Variants in FHIT observed in about 807,000 individuals in gnomAD.
FHIT encodes bis(5'-adenosyl)-triphosphatase.
Under a neutral mutation model 17.9 loss-of-function variants are expected in FHIT, and 19 were observed. The ratio of observed to expected loss-of-function variants is 1.06; its 90% CI spans 0.74 to 1.56. FHIT has a LOEUF of 1.56. FHIT is among the 40% of genes most tolerant of loss of function. FHIT has a pLI of 0.00. For missense variants in FHIT, 248 were observed against 189.2 expected (o/e 1.31, Z -1.82); for synonymous variants, 81 against 69.7 (o/e 1.16, Z -0.81).
chr3:59,781,167 G>C (rs936727456), intron 8 of FHIT, among the ~76,000 whole-genome samples: 2 of 152,166 alleles, frequency 1.3e-5, no homozygotes, highest in Admixed American at 6.5e-5. Flanking sequence ...AGCAAGGCCT[G>C]ACCTAGAATG....
At chr3:60,034,123 A>C (rs1701112635) in intron 5 of FHIT, among the ~76,000 whole-genome samples, 1 of 152,230 alleles carries the variant, frequency 6.6e-6, no homozygotes, top group African/African-American at 2.4e-5. Context: ...ACAATTTCAT[A>C]AGGTAGGTAC....
intron 3 of FHIT, among the ~76,000 whole-genome samples, chr3:60,965,886 A>G (rs189578462): frequency 6.6e-6 from 1 of 152,206 alleles, no homozygotes; most frequent in Non-Finnish European, 1.5e-5. Flanking sequence ...CTTGGGTCTC[A>G]GGGACCCACT....
intron 5 of FHIT, among the ~76,000 whole-genome samples, chr3:60,436,275 C>T (rs758865235): frequency 3.3e-5 from 5 of 152,050 alleles, no homozygotes; most frequent in African/African-American, 4.8e-5. Context: ...GTCTCAGACT[C>T]CTGACCTCAA....
chr3:60,523,158 T>A (rs1270566335), intron 5 of FHIT, among the ~76,000 whole-genome samples: 1 of 152,164 alleles, frequency 6.6e-6, no homozygotes, highest in Non-Finnish European at 1.5e-5. Context: ...CCATAACACG[T>A]GGGAATTATG....
intron 4 of FHIT, among the ~76,000 whole-genome samples, chr3:60,754,492 G>A (rs879991994): frequency 2.0e-5 from 3 of 152,138 alleles, no homozygotes; most frequent in African/African-American, 4.8e-5. Context: ...TTAGCCGGGC[G>A]TGGTGGCACA....
At chr3:61,236,142 A>C (rs1292902401) in intron 1 of FHIT, among the ~76,000 whole-genome samples, 1 of 148,960 alleles carries the variant, frequency 6.7e-6, no homozygotes, top group Non-Finnish European at 1.5e-5. Context: ...ACAATATACT[A>C]TATTTACTAT....
At chr3:59,817,493 C>T (rs1246840291) in intron 8 of FHIT, among the ~76,000 whole-genome samples, 2 of 136,928 alleles carry the variant, frequency 1.5e-5, no homozygotes, top group Non-Finnish European at 3.1e-5. Flanking sequence ...GCCGGGAGGT[C>T]GGGGCTGCAT....
intron 5 of FHIT, among the ~76,000 whole-genome samples, chr3:60,382,277 T>A (rs1196865264): frequency 6.6e-6 from 1 of 152,212 alleles, no homozygotes; most frequent in Non-Finnish European, 1.5e-5. Flanking sequence ...ACATGGCTCA[T>A]AAGAACTTGC....
At chr3:61,213,798 C>T (rs906900271) in intron 1 of FHIT, among the ~76,000 whole-genome samples, 1 of 152,076 alleles carries the variant, frequency 6.6e-6, no homozygotes, top group Non-Finnish European at 1.5e-5. Flanking sequence ...GAAATTATAA[C>T]AAATTGTCTC....
At position 61,151,579 on chromosome 3, in the gene FHIT, T is replaced by TCTTTTC. The variant is rs1461981011; in HGVS notation, c.-164+49037_-164+49038insGAAAAG. Among the ~76,000 whole-genome samples, 23 of 134,972 alleles carry TCTTTTC rather than the reference T, an allele frequency of 1.7e-4. No individual in the cohort carries two copies. The East Asian group carries it at 2.7e-3, about 16-fold the overall frequency. The allele number at this position is 134,972 out of a possible 152,430, so 88.5% of individuals were successfully genotyped here. On this transcript the variant is annotated intron_variant, in intron 2 of 9. Coordinates refer to ENST00000492590, the MANE Select transcript of FHIT (RefSeq NM_002012.4). ...CTTGTGATATTCTTTTCTTTTCTTT[T>TCTTTTC]TTTTTTTTTTTTGAGATGGAGTCTC...
chr3:60,635,085 G>A (rs891243867), intron 4 of FHIT, among the ~76,000 whole-genome samples: 5 of 135,572 alleles, frequency 3.7e-5, no homozygotes, highest in African/African-American at 1.3e-4. Context: ...CCTAAGAGCA[G>A]GATAATTTTG....
At chr3:60,970,996 T>G (rs1709978716) in intron 3 of FHIT, among the ~76,000 whole-genome samples, 1 of 152,218 alleles carries the variant, frequency 6.6e-6, no homozygotes, top group African/African-American at 2.4e-5. Context: ...CTTATGACTA[T>G]TTCTGTATGT....
chr3:60,695,675 T>TTGC (rs1220475103), intron 4 of FHIT, among the ~76,000 whole-genome samples: 1 of 152,130 alleles, frequency 6.6e-6, no homozygotes, highest in East Asian at 1.9e-4. Flanking sequence ...TTCAACATAA[T>TTGC]TGCTGCTGCT....
chr3:60,193,378 T>A (rs530222669), intron 5 of FHIT, among the ~76,000 whole-genome samples: 46 of 152,174 alleles, frequency 3.0e-4, no homozygotes, highest in Non-Finnish European at 4.1e-4. Context: ...CTTTCCAGGC[T>A]AACAGAGGAG....
chr3:60,441,893 C>G (rs963853686), intron 5 of FHIT, among the ~76,000 whole-genome samples: 8 of 143,952 alleles, frequency 5.6e-5, no homozygotes, highest in African/African-American at 1.8e-4. Context: ...AGGACTCGCT[C>G]TGTCACCCAG....
intron 7 of FHIT, among the ~76,000 whole-genome samples, chr3:59,956,033 T>C (rs1707376608): frequency 6.6e-6 from 1 of 152,230 alleles, no homozygotes; most frequent in Non-Finnish European, 1.5e-5. Flanking sequence ...CTCCAGGATC[T>C]ACTCACAAAA....
chr3:61,001,925 C>T (rs2031112282), intron 3 of FHIT, among the ~76,000 whole-genome samples: 1 of 151,708 alleles, frequency 6.6e-6, no homozygotes, highest in Admixed American at 6.6e-5. Flanking sequence ...TTGGGGAAAA[C>T]TGGAAAAAGG....
At chr3:60,456,227 A>G (rs1048160442) in intron 5 of FHIT, among the ~76,000 whole-genome samples, 3 of 152,250 alleles carry the variant, frequency 2.0e-5, no homozygotes, top group African/African-American at 7.2e-5. Flanking sequence ...ACTTTTTAAA[A>G]AACATATATG....
intron 2 of FHIT, among the ~76,000 whole-genome samples, chr3:61,121,413 G>C (rs2036453570): frequency 6.6e-6 from 1 of 152,176 alleles, no homozygotes; most frequent in African/African-American, 2.4e-5. Context: ...AACCCTACAA[G>C]CCAGAAGAGA....
Sources: gnomAD v4.1 joint callset for allele counts (sites outside exome capture counted in the v4.1 genomes callset) on GRCh38, gnomAD v4.1.1 for gene constraint, MANE v1.5 for transcripts, NCBI Gene and HGNC (gene_info 2026-07-23, HGNC 2026-07-21) for gene names.